The following CGGBP1 variants were observed in gnomAD, a reference collection of about 807,000 sequenced individuals.
CGGBP1 encodes CGG triplet repeat-binding protein 1.
A neutral mutation model predicts 11.4 loss-of-function variants in CGGBP1; 4 were observed. The observed-to-expected ratio is 0.35, with a 90% CI of 0.17 to 0.80. The LOEUF (loss-of-function observed/expected upper bound fraction) is 0.80, where lower values mean the gene tolerates loss of function less well. Among genes scored for constraint, CGGBP1 ranks in the 30% least tolerant of loss-of-function variants. The probability of loss-of-function intolerance (pLI) is 0.52; values close to 1 mark genes in which losing one functional copy is unlikely to be tolerated. For synonymous variants in CGGBP1, 76 were observed against 74.1 expected (o/e 1.03, Z -0.13); for missense variants, 135 against 202.1 (o/e 0.67, Z 2.01).
chr3:88,056,125 G>C, intron 3 of CGGBP1, 126 bp from the exon 4 acceptor site: 1 of 658,780 alleles, frequency 1.5e-6, no homozygotes, highest in South Asian at 2.3e-5. Flanking sequence ...TTAGTAGACT[G>C]TGTGTCTATT....
intron 2 of CGGBP1, among the ~76,000 whole-genome samples, chr3:88,091,080 A>G (rs187950907): frequency 6.6e-6 from 1 of 152,226 alleles, no homozygotes; most frequent in Admixed American, 6.5e-5. Context: ...ACAGGTTTGT[A>G]GCCCAGGTGT....
At chr3:88,127,467 G>A (rs1192823072) in intron 2 of CGGBP1, among the ~76,000 whole-genome samples, 1 of 151,634 alleles carries the variant, frequency 6.6e-6, no homozygotes. Flanking sequence ...CTAAAAGGGA[G>A]AGAGTTGTTG....
At chr3:88,081,712 T>C (rs1240216917) in intron 2 of CGGBP1, among the ~76,000 whole-genome samples, 1 of 152,206 alleles carries the variant, frequency 6.6e-6, no homozygotes, top group African/African-American at 2.4e-5. Context: ...AGCATTTCTC[T>C]ACTTTCTGGC....
chr3:88,145,802 G>A (rs967357081), intron 1 of CGGBP1, among the ~76,000 whole-genome samples: 1 of 152,190 alleles, frequency 6.6e-6, no homozygotes, highest in Non-Finnish European at 1.5e-5. Flanking sequence ...GCTTGTTTAT[G>A]TGTGCTGCCT....
intron 2 of CGGBP1, among the ~76,000 whole-genome samples, chr3:88,132,682 T>TA (rs1328332417): frequency 6.6e-6 from 1 of 152,230 alleles, no homozygotes; most frequent in Non-Finnish European, 1.5e-5. Flanking sequence ...GTGTACCTAT[T>TA]ACAGGCTTTC....
intron 2 of CGGBP1, among the ~76,000 whole-genome samples, chr3:88,115,856 A>C (rs1705358244): frequency 6.6e-6 from 1 of 152,170 alleles, no homozygotes; most frequent in Non-Finnish European, 1.5e-5. Context: ...TGACAAAAAT[A>C]ATGTAAAATG....
intron 2 of CGGBP1, chr3:88,096,046 A>G (rs1704038972): frequency 5.3e-6 from 1 of 189,888 alleles, no homozygotes; most frequent in South Asian, 1.1e-4. Context: ...CCTCTGGGCT[A>G]TCAGTAGTGG....
At chr3:88,111,318 T>G (rs1576301032) in intron 2 of CGGBP1, among the ~76,000 whole-genome samples, 2 of 152,128 alleles carry the variant, frequency 1.3e-5, no homozygotes, top group South Asian at 2.1e-4. Context: ...TTATTTACCC[T>G]TTGCAGAGTC....
In CGGBP1 at chr3:88,059,004, A is replaced by G. The variant is rs1446584659; in HGVS notation, c.-520T>C. 4.0e-5 allele frequency: 14 copies of G among 350,814 alleles called. No homozygotes were observed. The highest frequency in any genetic ancestry group is 6.6e-5 in the African/African-American group (3 of 45,300). 21.7% of individuals were successfully genotyped at this position (350,814 alleles called of 1,614,324 possible). A position where few individuals can be genotyped will look rare whatever the true frequency, so the allele number is the denominator to read the frequency against. ...CGCGCCCCGTCCGCCTGCACCGCCTATGGCAGAGCCCGTAGGCGGTCCCCA... is the reference window on the plus strand; with the variant it reads ...CGCGCCCCGTCCGCCTGCACCGCCTGTGGCAGAGCCCGTAGGCGGTCCCCA... On this transcript the variant is annotated 5_prime_UTR_variant, in exon 1 of 4. Transcript: ENST00000482016.
At chr3:88,126,073 G>T (rs1706082649) in intron 2 of CGGBP1, 1 of 1,367,390 alleles carries the variant, frequency 7.3e-7, no homozygotes, top group Non-Finnish European at 9.5e-7. Flanking sequence ...TGACAATGAT[G>T]ATCAAGTTTA....
chr3:88,119,146 CAAT>C (rs1404016769), intron 2 of CGGBP1, among the ~76,000 whole-genome samples: 1 of 147,488 alleles, frequency 6.8e-6, no homozygotes, highest in South Asian at 2.2e-4. Context: ...AAATGTCCAA[CAAT>C]GATAGACTGG....
upstream of CGGBP1, among the ~76,000 whole-genome samples, chr3:88,062,208 T>C (rs77374603): frequency 2.6e-5 from 4 of 152,182 alleles, no homozygotes; most frequent in Non-Finnish European, 4.4e-5. Flanking sequence ...GGAAAGTAAC[T>C]TTTATGGAAG....
At chr3:88,072,581 T>C (rs1184075918) in intron 2 of CGGBP1, among the ~76,000 whole-genome samples, 1 of 152,176 alleles carries the variant, frequency 6.6e-6, no homozygotes, top group Non-Finnish European at 1.5e-5. Flanking sequence ...TGCTGTGGGA[T>C]CCTCCACAGA....
upstream of CGGBP1, chr3:88,059,024 TC>T: frequency 4.5e-6 from 2 of 448,672 alleles, no homozygotes; most frequent in African/African-American, 2.1e-5. Flanking sequence ...CCGTAGGCGG[TC>T]CCCAGCAACC....
intron 2 of CGGBP1, among the ~76,000 whole-genome samples, chr3:88,090,553 AATTT>A (rs1381513987): frequency 6.6e-6 from 1 of 152,198 alleles, no homozygotes; most frequent in East Asian, 1.9e-4. Flanking sequence ...TAATAAGGCT[AATTT>A]ATTATTAAAG....
intron 2 of CGGBP1, among the ~76,000 whole-genome samples, chr3:88,097,835 G>A (rs1365128834): frequency 1.3e-5 from 2 of 152,188 alleles, no homozygotes; most frequent in African/African-American, 4.8e-5. Context: ...TTAAAGCAGT[G>A]TGTAGAGGGA....
intron 2 of CGGBP1, among the ~76,000 whole-genome samples, chr3:88,075,012 C>A (rs1399197832): frequency 6.6e-6 from 1 of 152,172 alleles, no homozygotes; most frequent in Non-Finnish European, 1.5e-5. Context: ...ACCATTTCCT[C>A]CTTCCTGAAA....
rs763902627 is a variant in CGGBP1, at chr3:88,055,854, G to T, written c.123C>A (p.Leu41=). ...GAACCACATTGCAAGAAGTGCAGAA[G>T]AGTTTTCCTCCATCTTCATGCAGCT... ...GGELHEDGGK[L]FCTSCNVVLN... is the part of the protein sequence containing the mutation. The change falls in exon 4 of 4, where the codon CTC becomes CTA. Residue 41 remains leucine, a synonymous_variant. Transcript: ENST00000482016. This position sits in a 1 kb window ranked among gnomAD's most constrained non-coding sequence, Gnocchi z 4.2. The T allele has an allele frequency of 5.0e-6, 8 of 1,614,058 alleles. No homozygotes were observed. Among genetic ancestry groups the T allele is most frequent in the African/African-American group, 1.3e-5 (1 of 74,918 alleles).
Position 88,053,970 on chromosome 3 carries a change from G to C in CGGBP1, c.*1503C>G, listed in dbSNP as rs1406056529. On this transcript the variant is annotated 3_prime_UTR_variant, in exon 4 of 4. Coordinates refer to ENST00000482016, the MANE Select transcript of CGGBP1 (RefSeq NM_001008390.2). Reference sequence around the variant, plus strand: ...TGAAAACAAATCTCTGAAGTCAAATGGCCAGTTTGACAACCTGAATTAGAA... The same window carrying C: ...TGAAAACAAATCTCTGAAGTCAAATCGCCAGTTTGACAACCTGAATTAGAA... 2 of 152,472 alleles carry C rather than the reference G, an allele frequency of 1.3e-5. No homozygotes were observed. The highest frequency in any genetic ancestry group is 2.9e-5 in the Non-Finnish European group (2 of 67,952). The allele number at this position is 152,472 out of a possible 1,614,324, so 9.4% of individuals were successfully genotyped here. A position where few individuals can be genotyped will look rare whatever the true frequency, so the allele number is the denominator to read the frequency against.
Sources: allele counts gnomAD v4.1 joint callset (sites outside exome capture counted in the v4.1 genomes callset), GRCh38; gene constraint gnomAD v4.1.1; non-coding constraint Gnocchi (gnomAD v3.1); transcripts MANE v1.5; gene names NCBI Gene and HGNC (gene_info 2026-07-23, HGNC 2026-07-21).